ELMO1: variants seen among roughly 807,000 people sequenced by gnomAD.
ELMO1 encodes the protein engulfment and cell motility protein 1.
A neutral mutation model predicts 98.9 loss-of-function variants in ELMO1; 26 were observed. The ratio of observed to expected loss-of-function variants is 0.26; its 90% CI spans 0.19 to 0.36. The LOEUF is 0.36. ELMO1 is among the 10% of genes least tolerant of loss of function. ELMO1 has a pLI of 1.00. For synonymous variants in ELMO1, 346 were observed against 346.0 expected, an observed-to-expected ratio of 1.00 and a Z score of 0.00; for missense variants, 627 against 935.2, an observed-to-expected ratio of 0.67 and a Z score of 4.30.
intron 13 of ELMO1, chr7:37,211,073 A>T (rs1420457694): frequency 8.1e-6 from 2 of 248,000 alleles, no homozygotes; most frequent in Non-Finnish European, 1.6e-5. Flanking sequence ...AGGCAAACAC[A>T]AATCTTAAGC....
intron 15 of ELMO1, among the ~76,000 whole-genome samples, chr7:37,083,714 G>A (rs1284755297): frequency 1.3e-5 from 2 of 152,282 alleles, no homozygotes; most frequent in Admixed American, 6.5e-5. Context: ...GGAAGAAAGC[G>A]AGCTCACTCC....
intron 15 of ELMO1, among the ~76,000 whole-genome samples, chr7:37,086,621 T>C (rs1783794828): frequency 6.6e-6 from 1 of 151,164 alleles, no homozygotes; most frequent in African/African-American, 2.4e-5. Flanking sequence ...TGCATTCCTG[T>C]AATCCCAGGT....
chr7:37,429,443 CT>C (rs1344087179), intron 1 of ELMO1: 5 of 152,258 alleles, frequency 3.3e-5, no homozygotes, highest in Non-Finnish European at 7.3e-5. Flanking sequence ...TTTGCAACAT[CT>C]CTTAAATCTT....
At chr7:37,170,684 A>G (rs1420871666) in intron 13 of ELMO1, among the ~76,000 whole-genome samples, 1 of 145,304 alleles carries the variant, frequency 6.9e-6, no homozygotes. Context: ...GTCTCAGCTC[A>G]CTGTCTCTGC....
chr7:37,394,248 G>C (rs185627624), intron 1 of ELMO1, among the ~76,000 whole-genome samples: 3 of 152,146 alleles, frequency 2.0e-5, no homozygotes, highest in African/African-American at 4.8e-5. Flanking sequence ...CAGGTGGAGG[G>C]GGAAGCAGTC....
At chr7:37,408,638 CTAAGTGAGG>C (rs1214738309) in intron 1 of ELMO1, among the ~76,000 whole-genome samples, 2 of 152,154 alleles carry the variant, frequency 1.3e-5, no homozygotes, top group African/African-American at 4.8e-5. Context: ...GGACATGATG[CTAAGTGAGG>C]TAAGCCGGCC....
intron 5 of ELMO1, among the ~76,000 whole-genome samples, chr7:37,260,226 G>A (rs1795908762): frequency 6.6e-6 from 1 of 152,200 alleles, no homozygotes; most frequent in Non-Finnish European, 1.5e-5. Flanking sequence ...CAAAATCACT[G>A]TGGTTGAAGC....
intron 16 of ELMO1, chr7:36,985,834 A>G: frequency 1.1e-6 from 1 of 890,056 alleles, no homozygotes; most frequent in Non-Finnish European, 1.4e-6. Context: ...GTTCCAATTC[A>G]GTTTTCTCGG....
At chr7:36,954,927 T>C (rs1788317099) in intron 16 of ELMO1, among the ~76,000 whole-genome samples, 1 of 152,202 alleles carries the variant, frequency 6.6e-6, no homozygotes, top group Non-Finnish European at 1.5e-5. Flanking sequence ...TGTTCCTGTA[T>C]CCCAAAAGCT....
In ELMO1 at chr7:36,932,237, T is replaced by C. The variant is rs533535913; in HGVS notation, c.1438-37220A>G. On this transcript the variant is annotated intron_variant, in intron 16 of 21. Transcript: ENST00000310758. ...GGCTCAGTTTCCTTCATAAGAAGTA[T>C]TAGTTTTCTGTGTTTTCTCTCTCTC... Among the ~76,000 whole-genome samples, 10 of 152,340 alleles carry C rather than the reference T, an allele frequency of 6.6e-5. No homozygotes were observed. In the South Asian group the frequency reaches 1.0e-3, roughly 16 times the overall value.
intron 17 of ELMO1, among the ~76,000 whole-genome samples, chr7:36,888,808 A>G (rs917655985): frequency 3.3e-5 from 5 of 152,344 alleles, no homozygotes; most frequent in Middle Eastern, 3.4e-3. Context: ...TTGCCTTGAC[A>G]CTGAACTGCA....
At chr7:37,363,259 C>G (rs1384545241) in intron 1 of ELMO1, among the ~76,000 whole-genome samples, 1 of 152,116 alleles carries the variant, frequency 6.6e-6, no homozygotes, top group African/African-American at 2.4e-5. Flanking sequence ...CAAACATTCC[C>G]TAGGCCAAAC....
rs1384206207 is a variant in ELMO1 at position 37,342,647 on chromosome 7, G to A, written c.44C>T (p.Pro15Leu). 10 of 1,612,968 alleles carry A rather than the reference G, an allele frequency of 6.2e-6. No individual in the cohort carries two copies. Among genetic ancestry groups the A allele is most frequent in the Non-Finnish European group, 1.7e-6 (2 of 1,179,704 alleles). ...ADIVKVAIEW[P>L]GAYPKLMEID... Reference sequence around the variant, plus strand: ...TTCCATGAGTTTGGGGTAGGCGCCCGGCCATTCTATGGCCACCTTGACGAT... The same window carrying A: ...TTCCATGAGTTTGGGGTAGGCGCCCAGCCATTCTATGGCCACCTTGACGAT... The change falls in exon 2 of 22, where the codon CCG becomes CTG. Residue 15 changes from proline (P) to leucine (L), a missense_variant. Physicochemically the swap from Pro to Leu is moderately conservative, Grantham distance 98. Coordinates refer to ENST00000310758, the MANE Select transcript of ELMO1 (RefSeq NM_014800.11). This position sits in a 1 kb window ranked among gnomAD's most constrained non-coding sequence, Gnocchi z 4.3.
At chr7:37,206,461 C>T (rs1442951580) in intron 13 of ELMO1, among the ~76,000 whole-genome samples, 3 of 152,128 alleles carry the variant, frequency 2.0e-5, no homozygotes, top group Admixed American at 1.3e-4. Flanking sequence ...CGCTTCCTTC[C>T]GTAGTATTAG....
intron 16 of ELMO1, among the ~76,000 whole-genome samples, chr7:36,970,028 A>G (rs1478967855): frequency 2.6e-5 from 4 of 152,138 alleles, no homozygotes; most frequent in African/African-American, 9.7e-5. Context: ...TGTACTAAAG[A>G]ATACTATACT....
chr7:37,428,405 G>T (rs1460420709), intron 1 of ELMO1, among the ~76,000 whole-genome samples: 1 of 152,100 alleles, frequency 6.6e-6, no homozygotes, highest in East Asian at 1.9e-4. Context: ...TGGCAGTCTT[G>T]ACTAAATGGA....
intron 1 of ELMO1, among the ~76,000 whole-genome samples, chr7:37,440,323 T>A (rs1430699112): frequency 6.6e-6 from 1 of 151,854 alleles, no homozygotes; most frequent in Non-Finnish European, 1.5e-5. Context: ...GCACCTGTAG[T>A]CCCAGTTACT....
intron 1 of ELMO1, among the ~76,000 whole-genome samples, chr7:37,393,643 A>T (rs1466449667): frequency 1.3e-5 from 2 of 152,050 alleles, no homozygotes; most frequent in Non-Finnish European, 2.9e-5. Context: ...TACTGATTAG[A>T]TTCAGGTTAT....
At chr7:36,988,346 G>A (rs1423818293) in intron 16 of ELMO1, among the ~76,000 whole-genome samples, 1 of 152,176 alleles carries the variant, frequency 6.6e-6, no homozygotes, top group East Asian at 1.9e-4. Flanking sequence ...CTTGAAGGCT[G>A]TCCAAATCCT....
Sources: gnomAD v4.1 joint callset for allele counts (sites outside exome capture counted in the v4.1 genomes callset) on GRCh38, gnomAD v4.1.1 for gene constraint, Gnocchi (gnomAD v3.1) non-coding constraint, MANE v1.5 for transcripts, NCBI Gene and HGNC (gene_info 2026-07-23, HGNC 2026-07-21) for gene names.